PCDHGB6: variants seen among roughly 807,000 people sequenced by gnomAD.
PCDHGB6 encodes protocadherin gamma-B6.
In PCDHGB6, 51 loss-of-function variants were observed where a neutral mutation model predicts 59.1. That is an observed-to-expected ratio of 0.86 (90% CI 0.69 to 1.09). The LOEUF (loss-of-function observed/expected upper bound fraction) is 1.09. Ranked by LOEUF, PCDHGB6 falls within the 50% of genes least tolerant of loss-of-function variation. The probability of loss-of-function intolerance (pLI) is 0.00; values close to 1 mark genes in which losing one functional copy is unlikely to be tolerated. For synonymous variants in PCDHGB6, 466 were observed against 495.1 expected, an observed-to-expected ratio of 0.94 and a Z score of 0.78; for missense variants, 1,148 against 1,205.1, an observed-to-expected ratio of 0.95 and a Z score of 0.70.
In PCDHGB6 at chr5:141,491,511, C is replaced by G. The variant is rs777448782; in HGVS notation, c.2419-3296C>G. 6.2e-7 allele frequency: 1 copy of G among 1,614,080 alleles called. No individual in the cohort carries two copies. The highest frequency in any genetic ancestry group is 8.5e-7 in the Non-Finnish European group (1 of 1,180,018). ...TGCAGGTGAGCTCGGACGGCACGCT[C>G]AAGTACATGGAGGTGACGCTGCGGC... On this transcript the variant is annotated intron_variant, in intron 1 of 3. Transcript: ENST00000520790. This position sits in a 1 kb window ranked among gnomAD's most constrained non-coding sequence, Gnocchi z 6.9.
rs1427934561 is a variant in PCDHGB6, at chr5:141,511,140, CAAG to C, written c.2767_2769del (p.Lys923del). The stretch of plus-strand genomic sequence containing the variant: ...AGGCCCCAGCAGGTGGCAATGGCAA[CAAG>C]AAGAAGTCGGGCAAGAAGGAGAAGA... On this transcript the variant is annotated inframe_deletion, in exon 4 of 4. Coordinates refer to ENST00000520790, the MANE Select transcript of PCDHGB6 (RefSeq NM_018926.3). 9 of 1,614,186 alleles carry C rather than the reference CAAG, an allele frequency of 5.6e-6. No individual in the cohort carries two copies. The East Asian group carries it at 6.7e-5, about 12-fold the overall frequency.
chr5:141,441,362 G>A (rs1489202253), intron 1 of PCDHGB6: 1 of 152,484 alleles, frequency 6.6e-6, no homozygotes, highest in Non-Finnish European at 1.5e-5. Context: ...AACAAATGGG[G>A]CCGTGGACCA....
intron 1 of PCDHGB6, among the ~76,000 whole-genome samples, chr5:141,429,326 T>A (rs571458414): frequency 6.6e-6 from 1 of 152,230 alleles, no homozygotes; most frequent in East Asian, 1.9e-4. Context: ...TTTTCTTTAA[T>A]CCATTAACTA....
rs746046310 is a variant in PCDHGB6, at chr5:141,410,427, A to C, written c.2225A>C (p.Asn742Thr). The C allele has an allele frequency of 1.9e-6, 3 of 1,613,714 alleles. No homozygotes were observed. The Admixed American group carries it at 5.0e-5, about 27-fold the overall frequency. Residue 742 changes from asparagine to threonine, a missense_variant, in exon 1 of 4, where the codon AAC becomes ACC. Coordinates refer to ENST00000520790, the MANE Select transcript of PCDHGB6 (RefSeq NM_018926.3). ...CVKSGPVVPP[N>T]YSEGTLPYSY... ...AAGTCTGGACCTGTAGTTCCCCCCA[A>C]CTACAGTGAGGGGACTTTGCCTTAT...
chr5:141,489,641 C>T lies in PCDHGB6; in HGVS notation c.2419-5166C>T, dbSNP rs1356716387. On this transcript the variant is annotated intron_variant, in intron 1 of 3. Coordinates refer to ENST00000520790, the MANE Select transcript of PCDHGB6 (RefSeq NM_018926.3). This position sits in a 1 kb window ranked among gnomAD's most constrained non-coding sequence, Gnocchi z 4.5. The stretch of plus-strand genomic sequence containing the variant: ...CTCAATGACAACTCTCCTAGCTTTG[C>T]CACCCCTGAGCGAGAGATGCGCATC... The T allele has an allele frequency of 2.5e-6, 4 of 1,614,008 alleles. No individual in the cohort carries two copies. The highest frequency in any genetic ancestry group is 3.4e-6 in the Non-Finnish European group (4 of 1,180,012).
Position 141,409,092 on chromosome 5 carries a change from A to C in PCDHGB6, c.890A>C (p.Lys297Thr), listed in dbSNP as rs150634031. Residue 297 changes from lysine to threonine, a missense_variant, in exon 1 of 4, where the codon AAA becomes ACA. This residue lies in a region of PCDHGB6 where 549 missense variants were observed against 527.5 expected (regional missense o/e 1.04). Coordinates refer to ENST00000520790, the MANE Select transcript of PCDHGB6 (RefSeq NM_018926.3). ...STKHMFSLDE[K>T]TGMIKNNQSF... is the part of the protein sequence containing the mutation. ...AAACATATGTTCTCATTGGATGAGA[A>C]AACAGGTATGATTAAGAATAACCAG... 12 of 1,614,050 alleles carry C rather than the reference A, an allele frequency of 7.4e-6. No homozygotes were observed. The East Asian group carries it at 2.7e-4, about 36-fold the overall frequency.
In PCDHGB6 at chr5:141,432,112, C is replaced by T; in HGVS notation, c.2418+21492C>T. ...CAGACACCAACGACAACCCGCCGGT[C>T]TTCCCTCAGGCCTCCTATTCCGCTT... On this transcript the variant is annotated intron_variant, in intron 1 of 3. Transcript: ENST00000520790. The surrounding 1 kb of genome is among the most constrained non-coding windows in gnomAD (Gnocchi z 6.0). 1 of 1,614,186 alleles carries T rather than the reference C, an allele frequency of 6.2e-7. No individual in the cohort carries two copies. The highest frequency in any genetic ancestry group is 8.5e-7 in the Non-Finnish European group (1 of 1,180,042).
intron 1 of PCDHGB6, chr5:141,413,152 G>C: frequency 1.3e-6 from 2 of 1,574,694 alleles, no homozygotes; most frequent in Non-Finnish European, 1.7e-6. Flanking sequence ...TGAGGACTTT[G>C]CAGAATTCTG....
chr5:141,431,858 G>T lies in PCDHGB6; in HGVS notation c.2418+21238G>T, dbSNP rs1421209596. On this transcript the variant is annotated intron_variant, in intron 1 of 3. Coordinates refer to ENST00000520790, the MANE Select transcript of PCDHGB6 (RefSeq NM_018926.3). This position sits in a 1 kb window ranked among gnomAD's most constrained non-coding sequence, Gnocchi z 4.8. ...AAACTCTCCCAGAGGGACATTAATTGCCCTTTTAAATGTAAATGACCAAGA... is the reference window on the plus strand; with the variant it reads ...AAACTCTCCCAGAGGGACATTAATTTCCCTTTTAAATGTAAATGACCAAGA... 6.8e-6 allele frequency: 11 copies of T among 1,614,080 alleles called. No homozygotes were observed. The highest frequency in any genetic ancestry group is 8.5e-6 in the Non-Finnish European group (10 of 1,180,028).
rs572603287 is a variant in PCDHGB6 at position 141,477,037 on chromosome 5, G to T, written c.2419-17770G>T. 19 of 1,614,266 alleles carry T rather than the reference G, an allele frequency of 1.2e-5. No homozygotes were observed. In the East Asian group the frequency reaches 3.8e-4, roughly 32 times the overall value. Reference sequence around the variant, plus strand: ...TTGTAACCGGGATGCTGACAATCAAGGGTCGGCTGGACTTCGAGGACACCA... The same window carrying T: ...TTGTAACCGGGATGCTGACAATCAATGGTCGGCTGGACTTCGAGGACACCA... On this transcript the variant is annotated intron_variant, in intron 1 of 3. Transcript: ENST00000520790. The surrounding 1 kb of genome is among the most constrained non-coding windows in gnomAD (Gnocchi z 4.9).
chr5:141,418,928 A>G, intron 1 of PCDHGB6: 1 of 1,613,978 alleles, frequency 6.2e-7, no homozygotes, highest in Non-Finnish European at 8.5e-7. Context: ...TGATCAGATT[A>G]TGGAGGATTC....
chr5:141,499,037 G>A (rs912832519), intron 2 of PCDHGB6, among the ~76,000 whole-genome samples: 1 of 150,904 alleles, frequency 6.6e-6, no homozygotes, highest in South Asian at 2.1e-4. Context: ...AGAAAAGAAA[G>A]AAAAAGGGAG....
At chr5:141,414,083 G>C (rs964114178) in intron 1 of PCDHGB6, 1 of 1,601,124 alleles carries the variant, frequency 6.2e-7, no homozygotes, top group Non-Finnish European at 8.5e-7. Context: ...AAATATACTG[G>C]AGAAATAAAA....
intron 1 of PCDHGB6, chr5:141,441,758 C>T: frequency 2.6e-6 from 1 of 382,050 alleles, no homozygotes. Context: ...TCAACGTGAG[C>T]CTGCGCGTGT....
Position 141,432,097 on chromosome 5 carries a change from C to T in PCDHGB6, c.2418+21477C>T, listed in dbSNP as rs1428283489. The stretch of plus-strand genomic sequence containing the variant: ...TCTCGCTGAACGTGGCAGACACCAA[C>T]GACAACCCGCCGGTCTTCCCTCAGG... On this transcript the variant is annotated intron_variant, in intron 1 of 3. Transcript: ENST00000520790. This position sits in a 1 kb window ranked among gnomAD's most constrained non-coding sequence, Gnocchi z 6.0. 6 of 1,614,066 alleles carry T rather than the reference C, an allele frequency of 3.7e-6. No individual in the cohort carries two copies. The highest frequency in any genetic ancestry group is 2.7e-5 in the African/African-American group (2 of 74,920).
rs13436338 is a variant in PCDHGB6, at chr5:141,468,261, G to A, written c.2419-26546G>A. On this transcript the variant is annotated intron_variant, in intron 1 of 3. Coordinates refer to ENST00000520790, the MANE Select transcript of PCDHGB6 (RefSeq NM_018926.3). ...AATTGCCTGAACCTGGGAGGCAGAG[G>A]TTGTGGTGAGCCGAGACCACGCCAT... Among the ~76,000 whole-genome samples, 391 of 149,216 alleles carry A rather than the reference G, an allele frequency of 2.6e-3. 2 individuals are homozygous for A. Among genetic ancestry groups the A allele is most frequent in the African/African-American group, 9.3e-3 (377 of 40,498 alleles).
chr5:141,432,969 C>T lies in PCDHGB6; in HGVS notation c.2418+22349C>T, dbSNP rs754836894. On this transcript the variant is annotated intron_variant, in intron 1 of 3. Coordinates refer to ENST00000520790, the MANE Select transcript of PCDHGB6 (RefSeq NM_018926.3). The surrounding 1 kb of genome is among the most constrained non-coding windows in gnomAD (Gnocchi z 6.0). ...GGAGGCGGCTTGACAGGAGCGCCGG[C>T]GTCGCACTTTGTGGGCGTGGACGGG... The T allele has an allele frequency of 3.7e-6, 6 of 1,614,030 alleles. No individual in the cohort carries two copies. In the African/African-American group the frequency reaches 8.0e-5, roughly 22 times the overall value.
intron 3 of PCDHGB6, among the ~76,000 whole-genome samples, chr5:141,510,657 G>A (rs1388054630): frequency 6.6e-6 from 1 of 152,156 alleles, no homozygotes; most frequent in Non-Finnish European, 1.5e-5. Context: ...CCATTTTGCA[G>A]ATGAGAAAAC....
intron 1 of PCDHGB6, among the ~76,000 whole-genome samples, chr5:141,438,223 CA>C: frequency 6.6e-6 from 1 of 151,912 alleles, no homozygotes; most frequent in Non-Finnish European, 1.5e-5. Context: ...GGCTCTGGTT[CA>C]GGAAAATGTT....
Sources: allele counts gnomAD v4.1 joint callset (sites outside exome capture counted in the v4.1 genomes callset), GRCh38; gene constraint gnomAD v4.1.1; regional missense constraint gnomAD v4.1.1; non-coding constraint Gnocchi (gnomAD v3.1); transcripts MANE v1.5; gene names NCBI Gene and HGNC (gene_info 2026-07-23, HGNC 2026-07-21).